The following DHX38 variants were observed in gnomAD, a reference collection of about 807,000 sequenced individuals.
DHX38 encodes the protein DEAH-box helicase 38, also known as pre-mRNA-splicing factor ATP-dependent RNA helicase PRP16.
In DHX38, 100 loss-of-function variants were observed where a neutral mutation model predicts 153.1. The ratio of observed to expected loss-of-function variants is 0.65; its 90% confidence interval spans 0.56 to 0.77. The LOEUF is 0.77. DHX38 is among the 30% of genes least tolerant of loss of function. The pLI is 0.00. For missense variants in DHX38, 1,440 were observed against 1,654.0 expected, an observed-to-expected ratio of 0.87 and a Z score of 2.24; for synonymous variants, 650 against 631.7, an observed-to-expected ratio of 1.03 and a Z score of -0.43.
chr16:72,111,718 G>C (rs942174697), intron 26 of DHX38, among the ~76,000 whole-genome samples: 1 of 152,220 alleles, frequency 6.6e-6, no homozygotes, highest in Non-Finnish European at 1.5e-5. Flanking sequence ...GTGGCACACT[G>C]ATGCATGACA....
intron 11 of DHX38, among the ~76,000 whole-genome samples, chr16:72,102,540 A>T (rs917067061): frequency 1.3e-5 from 2 of 152,196 alleles, no homozygotes; most frequent in African/African-American, 4.8e-5. Flanking sequence ...TAGAGGTTGC[A>T]GGTTACTGTT....
Position 72,112,618 on chromosome 16 carries a change from C to T in DHX38, c.*121C>T. ...GACTTTCATCTGTGCATATCACGGCCCCCCAGGGCAGTTCCTGCTGGACCA... is the reference window on the plus strand; with the variant it reads ...GACTTTCATCTGTGCATATCACGGCTCCCCAGGGCAGTTCCTGCTGGACCA... On this transcript the variant is annotated 3_prime_UTR_variant, in exon 27 of 27. Coordinates refer to ENST00000268482, the MANE Select transcript of DHX38 (RefSeq NM_014003.4). The T allele has an allele frequency of 9.3e-7, 1 of 1,070,930 alleles. No homozygotes were observed. The highest frequency in any genetic ancestry group is 1.4e-6 in the Non-Finnish European group (1 of 718,164). 66.3% of individuals were successfully genotyped at this position (1,070,930 alleles called of 1,614,324 possible).
At position 72,099,736 on chromosome 16, in the gene DHX38, C is replaced by G; in HGVS notation, c.965C>G (p.Ala322Gly). 6.2e-7 allele frequency: 1 copy of G among 1,614,062 alleles called. No individual in the cohort carries two copies. Among genetic ancestry groups the G allele is most frequent in the South Asian group, 1.1e-5 (1 of 91,070 alleles). ...GCTTTGCCTCCTGCCCTGCAGCAAG[C>G]CGATCGGGATTGGTACATGATGGAC... is the stretch of plus-strand genomic sequence containing the variant. Reference protein sequence around the residue: ...RQQWEDDQRQADRDWYMMDEG... With the variant: ...RQQWEDDQRQGDRDWYMMDEG... Residue 322 changes from alanine (A) to glycine (G), a missense_variant, in exon 8 of 27, where the codon GCC (alanine) becomes GGC (glycine). This residue lies in a region of DHX38 where 483 missense variants were observed against 465.1 expected (regional missense o/e 1.04). Coordinates refer to ENST00000268482, the MANE Select transcript of DHX38 (RefSeq NM_014003.4).
chr16:72,099,093 G>A lies in DHX38; in HGVS notation c.883+48G>A, dbSNP rs1236009053. ...CAGAAGAGCAGGCTTGCTTGCCCTAGCGAGGATGAGCAGGGGCTGCCCTTC... is the reference window on the plus strand; with the variant it reads ...CAGAAGAGCAGGCTTGCTTGCCCTAACGAGGATGAGCAGGGGCTGCCCTTC... On this transcript the variant is annotated intron_variant, in intron 6 of 26. Transcript: ENST00000268482. 1.9e-6 allele frequency: 3 copies of A among 1,608,396 alleles called. No individual in the cohort carries two copies. In the Admixed American group the frequency reaches 5.0e-5, roughly 27 times the overall value.
At position 72,111,035 on chromosome 16, in the gene DHX38, G is replaced by T. The variant is rs772960219; in HGVS notation, c.3557G>T (p.Arg1186Leu). Residue 1186 changes from arginine (R) to leucine (L), a missense_variant, in exon 26 of 27, where the codon CGG becomes CTG. Coordinates refer to ENST00000268482, the MANE Select transcript of DHX38 (RefSeq NM_014003.4). ...MALAEEQLRA[R>L]RQEQEKRSPL... ...CTGGCCGAGGAGCAGCTGCGAGCCCGGCGGCAGGAGCAGGAGAAGCGCAGC... is the reference window on the plus strand; with the variant it reads ...CTGGCCGAGGAGCAGCTGCGAGCCCTGCGGCAGGAGCAGGAGAAGCGCAGC... 7 of 1,578,610 alleles carry T rather than the reference G, an allele frequency of 4.4e-6. No individual in the cohort carries two copies. In the South Asian group the frequency reaches 7.0e-5, roughly 16 times the overall value.
In DHX38 at chr16:72,099,746, T is replaced by C; in HGVS notation, c.975T>C (p.Asp325=). Residue 325 remains aspartate, a synonymous_variant, in exon 8 of 27, where the codon GAT becomes GAC. Transcript: ENST00000268482. ...WEDDQRQADR[D]WYMMDEGYDE... ...CTGCCCTGCAGCAAGCCGATCGGGA[T>C]TGGTACATGATGGACGAGGGCTATG... 1.2e-6 allele frequency: 2 copies of C among 1,614,064 alleles called. No homozygotes were observed. The highest frequency in any genetic ancestry group is 1.7e-6 in the Non-Finnish European group (2 of 1,180,002).
intron 26 of DHX38, 175 bp from the exon 27 acceptor site, chr16:72,112,238 G>A (rs1035750013): frequency 6.4e-6 from 4 of 621,718 alleles, no homozygotes; most frequent in Middle Eastern, 2.8e-4. Flanking sequence ...TGATTACATC[G>A]CCAGTCGAAC....
chr16:72,102,950 G>T, intron 11 of DHX38, 124 bp from the exon 12 acceptor site: 1 of 1,360,932 alleles, frequency 7.3e-7, no homozygotes, highest in Non-Finnish European at 1.0e-6. Flanking sequence ...TTCCCTGGCT[G>T]CTTTGGTGTC....
rs2042270321 is a variant in DHX38 at position 72,112,487 on chromosome 16, T to C, written c.3674T>C (p.Phe1225Ser). 1.9e-6 allele frequency: 3 copies of C among 1,612,132 alleles called. No homozygotes were observed. Residue 1225 changes from phenylalanine to serine, a missense_variant, in exon 27 of 27, where the codon TTT (phenylalanine) becomes TCT (serine). This residue lies in a region of DHX38 where 75 missense variants were observed against 69.5 expected (regional missense o/e 1.08). Coordinates refer to ENST00000268482, the MANE Select transcript of DHX38 (RefSeq NM_014003.4). The part of the protein sequence containing the change: ...PMTPRRTPAR[F>S]GL ...ACCCCTCGCCGCACGCCAGCCCGCT[T>C]TGGTCTGTGAGCTGAGGCTGTCCCC...
At chr16:72,095,598 T>G (rs1225310013) in intron 1 of DHX38, among the ~76,000 whole-genome samples, 1 of 152,246 alleles carries the variant, frequency 6.6e-6, no homozygotes, top group African/African-American at 2.4e-5. Context: ...CTTTATGGTT[T>G]CACATACACT....
In DHX38 at chr16:72,099,015, G is replaced by T. The variant is rs1226114015; in HGVS notation, c.853G>T (p.Gly285Trp). Residue 285 changes from glycine to tryptophan, a missense_variant, in exon 6 of 27, where the codon GGG becomes TGG. Transcript: ENST00000268482. ...NEWADDRRHL[G>W]STPRLSRGRG... ...GTGGGCCGATGACAGAAGACACTTG[G>T]GGTCCACCCCGCGTCTGTCCAGGGG... is the stretch of plus-strand genomic sequence containing the variant. 6.2e-7 allele frequency: 1 copy of T among 1,613,050 alleles called. No individual in the cohort carries two copies. Among genetic ancestry groups the T allele is most frequent in the Non-Finnish European group, 8.5e-7 (1 of 1,180,036 alleles).
chr16:72,096,862 G>T lies in DHX38; in HGVS notation c.364G>T (p.Gly122Cys). 4 of 1,613,930 alleles carry T rather than the reference G, an allele frequency of 2.5e-6. No individual in the cohort carries two copies. The highest frequency in any genetic ancestry group is 2.5e-6 in the Non-Finnish European group (3 of 1,179,902). ...SARVETPSHP[G>C]GVSEEFWERS... ...TCGGGTAGAGACTCCATCCCATCCG[G>T]GTGGTGTGAGCGAAGAGTTTTGGGA... The change falls in exon 3 of 27, where the codon GGT (glycine) becomes TGT (cysteine). Residue 122 changes from glycine to cysteine, a missense_variant. This residue lies in a region of DHX38 where 483 missense variants were observed against 465.1 expected (regional missense o/e 1.04). Transcript: ENST00000268482.
At chr16:72,102,905 G>GT (rs1306553729) in intron 11 of DHX38, among the ~76,000 whole-genome samples, 169 bp from the exon 12 acceptor site, 2 of 152,196 alleles carry the variant, frequency 1.3e-5, no homozygotes, top group South Asian at 2.1e-4. Context: ...TCAAGTAGCA[G>GT]TTTCAGTCCT....
At chr16:72,100,019 G>GATC in intron 8 of DHX38, 132 bp downstream of exon 8, 1 of 1,259,266 alleles carries the variant, frequency 7.9e-7, no homozygotes, top group South Asian at 1.4e-5. Context: ...TCCTCTGGAG[G>GATC]TGGAAGAGGA....
At position 72,100,660 on chromosome 16, in the gene DHX38, G is replaced by A. The variant is rs2042087047; in HGVS notation, c.1278+63G>A. 5 of 1,584,972 alleles carry A rather than the reference G, an allele frequency of 3.2e-6. No homozygotes were observed. In the South Asian group the frequency reaches 5.7e-5, roughly 18 times the overall value. On this transcript the variant is annotated intron_variant, in intron 9 of 26. Transcript: ENST00000268482. ...AGAGACCTGATGTGGGCCAGGTGCA[G>A]TGGCTCATGCCTGTCATCCCGGCAC...
chr16:72,107,664 G>C lies in DHX38; in HGVS notation c.2829G>C (p.Gly943=), dbSNP rs773616499. 1 of 1,614,136 alleles carries C rather than the reference G, an allele frequency of 6.2e-7. No homozygotes were observed. The highest frequency in any genetic ancestry group is 1.1e-5 in the South Asian group (1 of 91,076). Residue 943 remains glycine, a synonymous_variant, in exon 21 of 27, where the codon GGG becomes GGC. Transcript: ENST00000268482. This position sits in a 1 kb window ranked among gnomAD's most constrained non-coding sequence, Gnocchi z 5.3. ...TCCTAGGTGGTCTGACCTCTACCGG[G>C]CGGCTGATGGTGGAGTTCCCGCTGG... The part of the protein sequence containing the change: ...LDNTGGLTST[G]RLMVEFPLDP...
intron 8 of DHX38, 67 bp downstream of exon 8, chr16:72,099,954 G>A (rs972574939): frequency 6.5e-7 from 1 of 1,536,706 alleles, no homozygotes; most frequent in Non-Finnish European, 8.8e-7. Flanking sequence ...GAAGCAGCAG[G>A]TTATCCCCAA....
chr16:72,100,717 T>C (rs2042088144), intron 9 of DHX38, 120 bp downstream of exon 9: 6 of 1,399,118 alleles, frequency 4.3e-6, no homozygotes, highest in Admixed American at 4.4e-5. Flanking sequence ...GATCATTGGA[T>C]ACCAGGAGTT....
chr16:72,104,138 G>A lies in DHX38; in HGVS notation c.2010+7G>A. The A allele has an allele frequency of 6.2e-7, 1 of 1,612,858 alleles. No individual in the cohort carries two copies. On this transcript the variant is annotated splice_region_variant and intron_variant, in intron 14 of 26. Transcript: ENST00000268482. This position sits in a 1 kb window ranked among gnomAD's most constrained non-coding sequence, Gnocchi z 4.5. ...CTTTGGGCTGCTCCGGGAGGTGAGG[G>A]CTGTGTGGTTTGGTCTCTCTGCGCA...
Sources: gnomAD v4.1 joint callset for allele counts (sites outside exome capture counted in the v4.1 genomes callset) on GRCh38, gnomAD v4.1.1 for gene constraint, gnomAD v4.1.1 regional missense constraint, Gnocchi (gnomAD v3.1) non-coding constraint, MANE v1.5 for transcripts, NCBI Gene and HGNC (gene_info 2026-07-23, HGNC 2026-07-21) for gene names.